OOEP: variants seen among roughly 807,000 people sequenced by gnomAD.
The protein encoded by OOEP is oocyte-expressed protein homolog.
OOEP carries 16 observed loss-of-function variants against 13.7 expected under a neutral mutation model. That is an observed-to-expected ratio of 1.16 (90% CI 0.79 to 1.77). OOEP has a LOEUF of 1.77. OOEP is among the 40% of genes most tolerant of loss of function. The pLI is 0.00. For synonymous variants in OOEP, 89 were observed against 77.1 expected, an observed-to-expected ratio of 1.15 and a Z score of -0.81; for missense variants, 195 against 193.1, an observed-to-expected ratio of 1.01 and a Z score of -0.06.
intron 2 of OOEP, among the ~76,000 whole-genome samples, chr6:73,377,074 T>G (rs1769148643): frequency 6.6e-6 from 1 of 152,202 alleles, no homozygotes; most frequent in Admixed American, 6.5e-5. Context: ...AGACTTCCAT[T>G]TTCTTTCATT....
intron 2 of OOEP, among the ~76,000 whole-genome samples, chr6:73,394,153 G>A (rs1207132814): frequency 6.6e-6 from 1 of 152,118 alleles, no homozygotes; most frequent in Non-Finnish European, 1.5e-5. Context: ...CCAGCCTTGG[G>A]CAACATACTG....
upstream of OOEP, among the ~76,000 whole-genome samples, chr6:73,374,286 G>A (rs1769104284): frequency 6.6e-6 from 1 of 152,106 alleles, no homozygotes; most frequent in Non-Finnish European, 1.5e-5. Flanking sequence ...CGTAATGCCT[G>A]GCTGCCTTCA....
intron 2 of OOEP, among the ~76,000 whole-genome samples, chr6:73,380,128 C>T (rs1769182594): frequency 6.6e-6 from 1 of 151,918 alleles, no homozygotes; most frequent in Admixed American, 6.6e-5. Context: ...AATACTGACT[C>T]ATTTCATTAT....
chr6:73,374,814 T>C (rs1332210742), upstream of OOEP, among the ~76,000 whole-genome samples: 1 of 152,158 alleles, frequency 6.6e-6, no homozygotes, highest in Admixed American at 6.5e-5. Context: ...TACTTAACTA[T>C]TTATTTACTT....
At chr6:73,370,056 A>G (rs969535825), upstream of OOEP, 11 of 502,604 alleles carry the variant, frequency 2.2e-5, no homozygotes, top group Non-Finnish European at 3.2e-5. Flanking sequence ...TGGGTCTCCA[A>G]TGCTCTCCTT....
intron 2 of OOEP, among the ~76,000 whole-genome samples, chr6:73,381,793 C>T (rs548025133): frequency 9.9e-5 from 15 of 152,228 alleles, no homozygotes; most frequent in African/African-American, 2.4e-4. Flanking sequence ...CCAGCCTGGC[C>T]GACATGGCGA....
At chr6:73,394,749 G>C (rs1769422313) in exon 1 of OOEP, 1 of 1,069,984 alleles carries the variant, frequency 9.3e-7, no homozygotes, top group Non-Finnish European at 1.3e-6. Flanking sequence ...TCAGTGCGAA[G>C]TGGGCGGGAT....
At chr6:73,381,832 T>G (rs1363751477) in intron 2 of OOEP, among the ~76,000 whole-genome samples, 1 of 151,756 alleles carries the variant, frequency 6.6e-6, no homozygotes, top group Non-Finnish European at 1.5e-5. Context: ...AGGCAAAAAT[T>G]AGCCGGGAGT....
chr6:73,370,479 G>C (rs932193233), upstream of OOEP, among the ~76,000 whole-genome samples: 1 of 152,084 alleles, frequency 6.6e-6, no homozygotes, highest in Non-Finnish European at 1.5e-5. Flanking sequence ...TAAAAATTTG[G>C]ATTATGAAAG....
At chr6:73,395,140 G>A, upstream of OOEP, 4 of 1,613,016 alleles carry the variant, frequency 2.5e-6, no homozygotes, top group Non-Finnish European at 3.4e-6. Context: ...GAGCCACTTT[G>A]TTGGCGCGGT....
chr6:73,388,758 G>C (rs1417389779), intron 2 of OOEP, among the ~76,000 whole-genome samples: 1 of 152,254 alleles, frequency 6.6e-6, no homozygotes, highest in Non-Finnish European at 1.5e-5. Context: ...CTGGCAGGTT[G>C]TAAGTGCCCA....
chr6:73,387,561 T>G (rs1769291001), intron 2 of OOEP: 3 of 152,104 alleles, frequency 2.0e-5, no homozygotes, highest in Non-Finnish European at 4.4e-5. Context: ...GCTGGATTAA[T>G]GTGAGTATTC....
chr6:73,374,081 C>G (rs914856257), upstream of OOEP, among the ~76,000 whole-genome samples: 1 of 151,964 alleles, frequency 6.6e-6, no homozygotes, highest in Non-Finnish European at 1.5e-5. Context: ...GTCCCAGCTA[C>G]TCGGGAAGCT....
chr6:73,382,993 T>G (rs1388874082), intron 2 of OOEP, among the ~76,000 whole-genome samples: 1 of 150,938 alleles, frequency 6.6e-6, no homozygotes, highest in Admixed American at 6.7e-5. Flanking sequence ...TGCGCCACCA[T>G]GCACGTCTAA....
At chr6:73,381,897 C>T (rs1562279031) in intron 2 of OOEP, among the ~76,000 whole-genome samples, 1 of 151,954 alleles carries the variant, frequency 6.6e-6, no homozygotes, top group Non-Finnish European at 1.5e-5. Context: ...TGGAGAATCA[C>T]TTGAACCCGG....
At chr6:73,371,075 G>A (rs917740359), upstream of OOEP, among the ~76,000 whole-genome samples, 1 of 152,034 alleles carries the variant, frequency 6.6e-6, no homozygotes, top group East Asian at 1.9e-4. Flanking sequence ...CAAAGTGCTG[G>A]GATTACAGGC....
chr6:73,388,333 G>A (rs1231074751), intron 2 of OOEP, among the ~76,000 whole-genome samples: 1 of 152,072 alleles, frequency 6.6e-6, no homozygotes, highest in Non-Finnish European at 1.5e-5. Flanking sequence ...TAAAATTTAA[G>A]GGGAAAAGTC....
In OOEP at chr6:73,395,024, C is replaced by T. The variant is rs745611761; in HGVS notation, c.-424G>A. On this transcript the variant is annotated 5_prime_UTR_variant, in exon 1 of 4. Coordinates refer to the OOEP transcript ENST00000370363. ...GCGGAGGAGTTGAATCGAACAGGTC[C>T]TGAGGGATATAGTGTCGGCAGAGGT... 4.3e-6 allele frequency: 7 copies of T among 1,614,108 alleles called. No individual in the cohort carries two copies. The East Asian group carries it at 8.9e-5, about 21-fold the overall frequency.
At chr6:73,378,474 A>AG (rs1237325918) in intron 2 of OOEP, among the ~76,000 whole-genome samples, 1 of 152,126 alleles carries the variant, frequency 6.6e-6, no homozygotes, top group African/African-American at 2.4e-5. Flanking sequence ...AAAATCATTG[A>AG]GGCCAGGCAT....
Sources: gnomAD v4.1 joint callset for allele counts (sites outside exome capture counted in the v4.1 genomes callset) on GRCh38, gnomAD v4.1.1 for gene constraint, MANE v1.5 for transcripts, NCBI Gene and HGNC (gene_info 2026-07-23, HGNC 2026-07-21) for gene names.